The following BBS7 variants were observed in gnomAD, a reference collection of about 807,000 sequenced individuals.
The protein encoded by BBS7 is Bardet-Biedl syndrome 7.
A neutral mutation model predicts 90.3 loss-of-function variants in BBS7; 50 were observed. That is an observed-to-expected ratio of 0.55 (90% CI 0.44 to 0.70). The LOEUF is 0.70. Among genes scored for constraint, BBS7 ranks in the 30% least tolerant of loss-of-function variants. BBS7 has a pLI of 0.00. For missense variants in BBS7, 729 were observed against 838.9 expected (o/e 0.87, Z 1.62); for synonymous variants, 235 against 287.4 (o/e 0.82, Z 1.85).
rs1724883700 is a variant in BBS7 at position 121,825,934 on chromosome 4, T to C, written c.2074A>G (p.Lys692Glu). 2 of 1,611,038 alleles carry C rather than the reference T, an allele frequency of 1.2e-6. No homozygotes were observed. Among genetic ancestry groups the C allele is most frequent in the Non-Finnish European group, 1.7e-6 (2 of 1,177,636 alleles). Residue 692 changes from lysine (K) to glutamate (E), a missense_variant, in exon 19 of 19, where the codon AAA becomes GAA. Physicochemically the swap from Lys to Glu is moderately conservative, Grantham distance 56. Coordinates refer to ENST00000264499, the MANE Select transcript of BBS7 (RefSeq NM_176824.3). ...AGAATTTCCAATAGAAGGGGTACTT[T>C]AGTTTTTACATTGGTGCCTTTAAAC... ...FKFKGTNVKT[K>E]VPLLLEILDS...
chr4:121,848,794 T>C, intron 9 of BBS7, 50 bp downstream of exon 9: 1 of 1,475,082 alleles, frequency 6.8e-7, no homozygotes, highest in Non-Finnish European at 9.4e-7. Flanking sequence ...TAAATTTAAT[T>C]TTTTTTGTTG....
chr4:121,867,364 A>T (rs969295838), intron 2 of BBS7, among the ~76,000 whole-genome samples: 1 of 152,184 alleles, frequency 6.6e-6, no homozygotes, highest in African/African-American at 2.4e-5. Context: ...GTCATCGGCA[A>T]ACAGAGATAA....
In BBS7 at chr4:121,832,265, T is replaced by C. The variant is rs140217706; in HGVS notation, c.1676+966A>G. 6.9e-4 allele frequency among the ~76,000 whole-genome samples: 105 copies of C among 152,150 alleles called. 2 individuals carry two copies. In the East Asian group the frequency reaches 0.018, roughly 26 times the overall value. ...CTGAGGTGGGAGGTCAAGGCTGCAG[T>C]AAGCCGAGATCATGCCACTGCACTC... On this transcript the variant is annotated intron_variant, in intron 15 of 18. Transcript: ENST00000264499.
At chr4:121,844,350 C>T (rs1725895013) in intron 11 of BBS7, among the ~76,000 whole-genome samples, 1 of 152,028 alleles carries the variant, frequency 6.6e-6, no homozygotes. Context: ...CTGATTGTAT[C>T]AGTTCATTTT....
chr4:121,850,174 GT>G (rs202242026), intron 8 of BBS7, among the ~76,000 whole-genome samples: 2 of 150,690 alleles, frequency 1.3e-5, no homozygotes, highest in Non-Finnish European at 1.5e-5. Flanking sequence ...TTTTTGTTTG[GT>G]TTTTTTTTTA....
chr4:121,855,830 A>ACACATATGCATACATATATG, intron 5 of BBS7, among the ~76,000 whole-genome samples: 1 of 92,480 alleles, frequency 1.1e-5, no homozygotes, highest in African/African-American at 3.1e-5. Context: ...ATACATATAT[A>ACACATATGCATACATATATG]CACATATGTA....
rs140499905 is a variant in BBS7 at position 121,855,633 on chromosome 4, C to T, written c.529-72G>A. ...TAATAGAGGCATTCATGAATAACATCAATATTCAAATACAGTACTCTTAGT... is the reference window on the plus strand; with the variant it reads ...TAATAGAGGCATTCATGAATAACATTAATATTCAAATACAGTACTCTTAGT... On this transcript the variant is annotated intron_variant, in intron 5 of 18. Transcript: ENST00000264499. 1.9e-3 allele frequency: 2,427 copies of T among 1,286,586 alleles called. 51 individuals carry two copies. In the African/African-American group the frequency reaches 0.031, roughly 16 times the overall value. 79.7% of individuals were successfully genotyped at this position (1,286,586 alleles called of 1,614,324 possible).
At chr4:121,839,733 C>A in intron 12 of BBS7, 37 bp from the exon 13 acceptor site, 1 of 1,561,490 alleles carries the variant, frequency 6.4e-7, no homozygotes, top group South Asian at 1.1e-5. Context: ...AGAATGAATC[C>A]ATGTTTTTAG....
chr4:121,828,518 G>A lies in BBS7; in HGVS notation c.1787-13C>T. 1 of 1,597,430 alleles carries A rather than the reference G, an allele frequency of 6.3e-7. No individual in the cohort carries two copies. Among genetic ancestry groups the A allele is most frequent in the Non-Finnish European group, 8.6e-7 (1 of 1,165,000 alleles). On this transcript the variant is annotated splice_polypyrimidine_tract_variant and intron_variant, in intron 16 of 18. Coordinates refer to ENST00000264499, the MANE Select transcript of BBS7 (RefSeq NM_176824.3). ...ACTTCATTTATCTCTAGAAGGAGTT[G>A]ACCAGATGCAGTTAGATAAATCACT...
rs1473005529 is a variant in BBS7 at position 121,839,658 on chromosome 4, C to G, written c.1344G>C (p.Gln448His). The G allele has an allele frequency of 1.2e-6, 2 of 1,613,672 alleles. No individual in the cohort carries two copies. The highest frequency in any genetic ancestry group is 1.7e-6 in the Non-Finnish European group (2 of 1,179,830). The change falls in exon 13 of 19, where the codon CAG becomes CAC. Residue 448 changes from glutamine (Q) to histidine (H), a missense_variant. Physicochemically the swap from Gln to His is conservative, Grantham distance 24. Transcript: ENST00000264499. ...DNFLLATYRC[Q>H]ADTTRLELKI... ...TGAGTTCCAGCCTTGTAGTATCTGC[C>G]TGGCACCGATAAGTGGCAAGAAGGA...
Position 121,825,945 on chromosome 4 carries a change from T to C in BBS7, c.2063A>G (p.Asn688Ser), listed in dbSNP as rs370656021. ...TAGAAGGGGTACTTTAGTTTTTACA[T>C]TGGTGCCTTTAAACTTAAATTTATC... The part of the protein sequence containing the change: ...FIDKFKFKGT[N>S]VKTKVPLLLE... The change falls in exon 19 of 19, where the codon AAT (asparagine) becomes AGT (serine). Residue 688 changes from asparagine to serine, a missense_variant. Coordinates refer to ENST00000264499, the MANE Select transcript of BBS7 (RefSeq NM_176824.3). The C allele has an allele frequency of 1.4e-4, 230 of 1,609,524 alleles. No homozygotes were observed. Among genetic ancestry groups the C allele is most frequent in the Non-Finnish European group, 1.8e-4 (216 of 1,176,472 alleles).
At chr4:121,832,009 A>ACACACACACACACACAC (rs1725207388) in intron 15 of BBS7, among the ~76,000 whole-genome samples, 1 of 142,768 alleles carries the variant, frequency 7.0e-6, no homozygotes, top group African/African-American at 2.7e-5. Flanking sequence ...AAAAAACAAA[A>ACACACACACACACACAC]ACACACACAC....
chr4:121,843,141 G>A (rs1051478943), intron 12 of BBS7, among the ~76,000 whole-genome samples: 1 of 152,156 alleles, frequency 6.6e-6, no homozygotes, highest in African/African-American at 2.4e-5. Flanking sequence ...CAGCCGGTGA[G>A]AGAGAAGTTA....
At chr4:121,841,529 G>A (rs1483223773) in intron 12 of BBS7, among the ~76,000 whole-genome samples, 3 of 152,082 alleles carry the variant, frequency 2.0e-5, no homozygotes, top group African/African-American at 7.2e-5. Flanking sequence ...TCACGCCACT[G>A]CACTCCAGCC....
At chr4:121,861,821 T>G in intron 3 of BBS7, 142 bp from the exon 4 acceptor site, 1 of 812,674 alleles carries the variant, frequency 1.2e-6, no homozygotes, top group Non-Finnish European at 1.9e-6. Flanking sequence ...TAATAATCTA[T>G]ATACTTCAGC....
chr4:121,866,249 G>C (rs1727265682), intron 2 of BBS7, among the ~76,000 whole-genome samples: 1 of 151,906 alleles, frequency 6.6e-6, no homozygotes, highest in Non-Finnish European at 1.5e-5. Context: ...GTTTATTTTT[G>C]CTTTTGTTGT....
rs989340225 is a variant in BBS7 at position 121,870,422 on chromosome 4, G to C, written c.-109C>G. 1 of 1,290,706 alleles carries C rather than the reference G, an allele frequency of 7.7e-7. No homozygotes were observed. Among genetic ancestry groups the C allele is most frequent in the African/African-American group, 1.5e-5 (1 of 68,300 alleles). 80.0% of individuals were successfully genotyped at this position (1,290,706 alleles called of 1,614,324 possible). ...AGAAGGCTGCCCGCGCCCCTCAAAA[G>C]CCAGCCCCAGCTACCGCGCCTAGGT... On this transcript the variant is annotated 5_prime_UTR_variant, in exon 1 of 19. Transcript: ENST00000264499.
intron 8 of BBS7, among the ~76,000 whole-genome samples, chr4:121,849,582 A>G (rs966356996): frequency 7.2e-6 from 1 of 138,720 alleles, no homozygotes; most frequent in Non-Finnish European, 1.6e-5. Flanking sequence ...TAATCCCAGC[A>G]CTTTGGGAAG....
intron 15 of BBS7, among the ~76,000 whole-genome samples, chr4:121,832,369 C>A: frequency 6.6e-6 from 1 of 151,954 alleles, no homozygotes; most frequent in African/African-American, 2.4e-5. Flanking sequence ...AAAACAAAAA[C>A]AAAAAACAAC....
Sources: allele counts gnomAD v4.1 joint callset (sites outside exome capture counted in the v4.1 genomes callset), GRCh38; gene constraint gnomAD v4.1.1; transcripts MANE v1.5; gene names NCBI Gene and HGNC (gene_info 2026-07-23, HGNC 2026-07-21).